The following NPHP4 variants were observed in gnomAD, a reference collection of about 807,000 sequenced individuals.
NPHP4 encodes the protein nephrocystin-4.
A neutral mutation model predicts 155.8 loss-of-function variants in NPHP4; 151 were observed. The observed-to-expected ratio is 0.97, with a 90% confidence interval of 0.85 to 1.11. The LOEUF (loss-of-function observed/expected upper bound fraction) is 1.11. NPHP4 is among the 50% of genes least tolerant of loss of function. The probability of loss-of-function intolerance (pLI) is 0.00; values close to 1 mark genes in which losing one functional copy is unlikely to be tolerated. For missense variants in NPHP4, 1,956 were observed against 1,925.7 expected (o/e 1.02, Z -0.29); for synonymous variants, 845 against 816.8 (o/e 1.03, Z -0.59).
At position 5,972,906 on chromosome 1, in the gene NPHP4, CAG is replaced by C. The variant is rs772144862; in HGVS notation, c.280-3649_280-3648del. Among the ~76,000 whole-genome samples the C allele has an allele frequency of 5.6e-3, 851 of 151,842 alleles. 11 individuals carry two copies. Among genetic ancestry groups the C allele is most frequent in the African/African-American group, 0.018 (753 of 41,396 alleles). On this transcript the variant is annotated intron_variant, in intron 3 of 29. Coordinates refer to ENST00000378156, the MANE Select transcript of NPHP4 (RefSeq NM_015102.5). ...TTTGTTTGGTTTTTCTTTTTTTTGACAGAGTCTTGCTCTATCACCCAGGCTGG... is the reference window on the plus strand; with the variant it reads ...TTTGTTTGGTTTTTCTTTTTTTTGACAGTCTTGCTCTATCACCCAGGCTGG...
intron 22 of NPHP4, among the ~76,000 whole-genome samples, chr1:5,874,237 T>G (rs969878777): frequency 6.6e-6 from 1 of 151,308 alleles, no homozygotes; most frequent in African/African-American, 2.4e-5. Flanking sequence ...GTAAAGAAAA[T>G]TAGGAGGAGA....
chr1:5,989,364 G>A lies in NPHP4; in HGVS notation c.-39+2880C>T, dbSNP rs544112049. Among the ~76,000 whole-genome samples the A allele has an allele frequency of 2.4e-4, 36 of 152,298 alleles. 1 individual carries two copies. The South Asian group carries it at 7.3e-3, about 31-fold the overall frequency. ...CACGACTTATAAGCAGAAGACACCT[G>A]ACCAATACCAGCTCAAGGGCCATCT... On this transcript the variant is annotated intron_variant, in intron 1 of 29. Coordinates refer to ENST00000378156, the MANE Select transcript of NPHP4 (RefSeq NM_015102.5).
chr1:5,883,115 C>T (rs1280807663), intron 18 of NPHP4, among the ~76,000 whole-genome samples: 1 of 152,174 alleles, frequency 6.6e-6, no homozygotes, highest in African/African-American at 2.4e-5. Context: ...AAAGAAGCCA[C>T]GATCAGGGTC....
At chr1:5,986,748 G>GC (rs1195378169) in intron 1 of NPHP4, among the ~76,000 whole-genome samples, 2 of 151,878 alleles carry the variant, frequency 1.3e-5, no homozygotes, top group African/African-American at 4.8e-5. Flanking sequence ...AGAACCCTCC[G>GC]CCCCACCCCT....
intron 16 of NPHP4, among the ~76,000 whole-genome samples, chr1:5,891,939 A>AG (rs1295366644): frequency 6.6e-6 from 1 of 152,224 alleles, no homozygotes; most frequent in Non-Finnish European, 1.5e-5. Flanking sequence ...CAGGGGACCT[A>AG]GGGGGAGCGA....
At chr1:5,868,300 G>A in intron 23 of NPHP4, 2 of 338,154 alleles carry the variant, frequency 5.9e-6, no homozygotes, top group South Asian at 4.7e-5. Context: ...TGGTGGCAGG[G>A]CCAAGTTCGC....
intron 6 of NPHP4, among the ~76,000 whole-genome samples, chr1:5,956,384 C>T (rs965034006): frequency 6.6e-6 from 1 of 152,238 alleles, no homozygotes; most frequent in East Asian, 1.9e-4. Context: ...GCAAGTCCCA[C>T]GCACAGGAAG....
intron 16 of NPHP4, among the ~76,000 whole-genome samples, chr1:5,901,570 G>T (rs1303046256): frequency 6.6e-6 from 1 of 152,192 alleles, no homozygotes; most frequent in African/African-American, 2.4e-5. Flanking sequence ...AATTTAATTT[G>T]GGGACTTTAA....
In NPHP4 at chr1:5,948,129, A is replaced by G. The variant is rs1191673095; in HGVS notation, c.933T>C (p.Asp311=). ...AGCTAGCTGAGCGCGTCAAGGCCAC[A>G]TCCATCTCAGGCACCAGTACAACGA... ...PQVVVLVPEM[D]VALTRSASFS... Residue 311 remains aspartate, a synonymous_variant, in exon 8 of 30, where the codon GAT becomes GAC. Coordinates refer to ENST00000378156, the MANE Select transcript of NPHP4 (RefSeq NM_015102.5). 6.2e-7 allele frequency: 1 copy of G among 1,613,692 alleles called. No individual in the cohort carries two copies.
At chr1:5,899,167 C>T (rs1359370133) in intron 16 of NPHP4, among the ~76,000 whole-genome samples, 7 of 152,248 alleles carry the variant, frequency 4.6e-5, no homozygotes, top group Admixed American at 2.6e-4. Context: ...ACAACCCAGC[C>T]GTTCACTACC....
Position 5,983,734 on chromosome 1 carries a change from T to G in NPHP4, c.135+2421A>C, listed in dbSNP as rs1655059974. Reference sequence around the variant, plus strand: ...GGCCCCTAACACAAGTGCATACACATTTAGAGATTGTTACGTTTCCTTGAT... The same window carrying G: ...GGCCCCTAACACAAGTGCATACACAGTTAGAGATTGTTACGTTTCCTTGAT... On this transcript the variant is annotated intron_variant, in intron 2 of 29. Transcript: ENST00000378156. Among the ~76,000 whole-genome samples the G allele has an allele frequency of 2.0e-5, 3 of 152,188 alleles. No individual in the cohort carries two copies. In the South Asian group the frequency reaches 6.2e-4, roughly 32 times the overall value.
intron 7 of NPHP4, among the ~76,000 whole-genome samples, chr1:5,948,467 C>T (rs1424412584): frequency 2.0e-5 from 3 of 152,238 alleles, no homozygotes; most frequent in African/African-American, 7.2e-5. Flanking sequence ...GCAGTTTTGG[C>T]ATTTCCAACA....
chr1:5,911,912 T>G (rs1645196995), intron 11 of NPHP4, among the ~76,000 whole-genome samples: 1 of 151,616 alleles, frequency 6.6e-6, no homozygotes, highest in Non-Finnish European at 1.5e-5. Flanking sequence ...GCCCCAGGAG[T>G]CTTCCAAAAA....
chr1:5,945,468 T>C (rs574188861), intron 9 of NPHP4, among the ~76,000 whole-genome samples: 53 of 152,332 alleles, frequency 3.5e-4, no homozygotes, highest in African/African-American at 1.2e-3. Context: ...CACAGAACGC[T>C]TGGCACTTCT....
chr1:5,905,039 T>G lies in NPHP4; in HGVS notation c.1956-235A>C, dbSNP rs1248780599. Among the ~76,000 whole-genome samples the G allele has an allele frequency of 6.6e-6, 1 of 152,134 alleles. No individual in the cohort carries two copies. Among genetic ancestry groups the G allele is most frequent in the Non-Finnish European group, 1.5e-5 (1 of 68,024 alleles). ...AGAGAAGCTGCCTTTGGAGCTACAC[T>G]AAGATCTAAGACCTGGACAACCCAC... On this transcript the variant is annotated intron_variant, in intron 15 of 29. Transcript: ENST00000378156. This position sits in a 1 kb window ranked among gnomAD's most constrained non-coding sequence, Gnocchi z 4.0.
At chr1:5,873,123 G>A (rs1430394548) in intron 23 of NPHP4, 129 bp downstream of exon 23, 1 of 784,992 alleles carries the variant, frequency 1.3e-6, no homozygotes, top group Admixed American at 2.2e-5. Context: ...CCATTCCCAG[G>A]CCCACGCCAC....
At chr1:5,929,022 C>CAAAA (rs144228697) in intron 10 of NPHP4, among the ~76,000 whole-genome samples, 4,244 of 152,260 alleles carry the variant, frequency 0.028, 191 homozygotes, top group African/African-American at 0.097. Flanking sequence ...GATCCCCTAA[C>CAAAA]TATTTTGTTA....
rs549556820 is a variant in NPHP4 at position 5,877,816 on chromosome 1, C to T, written c.2612-518G>A. Among the ~76,000 whole-genome samples the T allele has an allele frequency of 2.0e-4, 31 of 152,332 alleles. No individual in the cohort carries two copies. The East Asian group carries it at 5.8e-3, about 28-fold the overall frequency. On this transcript the variant is annotated intron_variant, in intron 19 of 29. Transcript: ENST00000378156. ...TCCCAGCTGACCCTGGACTGCCTGG[C>T]CCCCAGGACAGCCCGCCTCCTCTGG...
chr1:5,958,856 C>CAAAAA (rs397705325), intron 6 of NPHP4, among the ~76,000 whole-genome samples: 1,041 of 75,864 alleles, frequency 0.014, 118 homozygotes, highest in African/African-American at 0.059. Flanking sequence ...GACCCTGTCT[C>CAAAAA]AAAAAAAAAA....
Sources: gnomAD v4.1 joint callset for allele counts (sites outside exome capture counted in the v4.1 genomes callset) on GRCh38, gnomAD v4.1.1 for gene constraint, Gnocchi (gnomAD v3.1) non-coding constraint, MANE v1.5 for transcripts, NCBI Gene and HGNC (gene_info 2026-07-23, HGNC 2026-07-21) for gene names.